CTDSPL2: variants seen among roughly 807,000 people sequenced by gnomAD.
The protein encoded by CTDSPL2 is CTD small phosphatase-like protein 2.
In CTDSPL2, 5 loss-of-function variants were observed where a neutral mutation model predicts 60.0. That is an observed-to-expected ratio of 0.08 (90% confidence interval 0.04 to 0.18). CTDSPL2 has a LOEUF of 0.18. Among genes scored for constraint, CTDSPL2 ranks in the 10% least tolerant of loss-of-function variants. The probability of loss-of-function intolerance (pLI) is 1.00; values close to 1 mark genes in which losing one functional copy is unlikely to be tolerated. For missense variants in CTDSPL2, 370 were observed against 548.8 expected (o/e 0.67, Z 3.26); for synonymous variants, 186 against 189.3 (o/e 0.98, Z 0.14).
chr15:44,470,363 T>G (rs149423742), intron 2 of CTDSPL2: 1 of 152,174 alleles, frequency 6.6e-6, no homozygotes, highest in Non-Finnish European at 1.5e-5. Flanking sequence ...AATATTGATA[T>G]AGCCATACAG....
At chr15:44,474,173 TTCA>T (rs1217586724) in intron 2 of CTDSPL2, among the ~76,000 whole-genome samples, 1 of 152,186 alleles carries the variant, frequency 6.6e-6, no homozygotes, top group Non-Finnish European at 1.5e-5. Context: ...GTTTTACAGC[TTCA>T]TCAAGAACTT....
chr15:44,430,115 A>G (rs1182648634), intron 1 of CTDSPL2, among the ~76,000 whole-genome samples: 1 of 152,038 alleles, frequency 6.6e-6, no homozygotes, highest in Non-Finnish European at 1.5e-5. Flanking sequence ...CAAGTTTGTG[A>G]TTTCTGCTTA....
At chr15:44,521,676 C>T (rs545116824) in intron 12 of CTDSPL2, among the ~76,000 whole-genome samples, 1 of 152,094 alleles carries the variant, frequency 6.6e-6, no homozygotes, top group South Asian at 2.1e-4. Context: ...CGGTGGCTCA[C>T]GCCTGTAATC....
intron 7 of CTDSPL2, 24 bp downstream of exon 7, chr15:44,497,162 A>G: frequency 7.5e-7 from 1 of 1,332,598 alleles, no homozygotes; most frequent in Non-Finnish European, 1.1e-6. Context: ...CTGTAGAGGT[A>G]GAGAGAATAA....
chr15:44,444,972 C>G (rs1415406730), intron 1 of CTDSPL2, among the ~76,000 whole-genome samples: 9 of 149,786 alleles, frequency 6.0e-5, no homozygotes, highest in Admixed American at 5.4e-4. Flanking sequence ...CTCAGCCTCC[C>G]GAGTAGCTGG....
intron 1 of CTDSPL2, among the ~76,000 whole-genome samples, chr15:44,436,539 A>G (rs1414495466): frequency 6.6e-6 from 1 of 152,168 alleles, no homozygotes; most frequent in East Asian, 1.9e-4. Flanking sequence ...TTTGCTGTTG[A>G]GGAAACAAAG....
At chr15:44,435,131 G>A (rs1263807469) in intron 1 of CTDSPL2, among the ~76,000 whole-genome samples, 1 of 151,824 alleles carries the variant, frequency 6.6e-6, no homozygotes, top group African/African-American at 2.4e-5. Context: ...GCGGTGGTGT[G>A]CACCTGTAAT....
chr15:44,446,754 C>CTT (rs71111859), intron 1 of CTDSPL2, among the ~76,000 whole-genome samples: 14 of 73,592 alleles, frequency 1.9e-4, no homozygotes, highest in African/African-American at 5.7e-4. Flanking sequence ...TCTTGGGGAA[C>CTT]TTTTTTTTTT....
intron 8 of CTDSPL2, chr15:44,502,043 T>G: frequency 2.2e-6 from 1 of 447,120 alleles, no homozygotes; most frequent in South Asian, 1.6e-5. Flanking sequence ...GAAACCACAT[T>G]ATTAGGTAAG....
intron 2 of CTDSPL2, among the ~76,000 whole-genome samples, chr15:44,466,889 A>T (rs1273533623): frequency 6.6e-6 from 1 of 152,154 alleles, no homozygotes; most frequent in African/African-American, 2.4e-5. Context: ...CAGTGAGCTG[A>T]GATTGCACCA....
chr15:44,460,755 G>A (rs1176199503), intron 2 of CTDSPL2, among the ~76,000 whole-genome samples: 1 of 152,004 alleles, frequency 6.6e-6, no homozygotes, highest in African/African-American at 2.4e-5. Context: ...TTAATTTTCA[G>A]TAATTAGAAA....
Position 44,525,549 on chromosome 15 carries a change from A to G in CTDSPL2, c.*1375A>G, listed in dbSNP as rs778559842. 7.5e-6 allele frequency: 3 copies of G among 398,604 alleles called. No homozygotes were observed. Among genetic ancestry groups the G allele is most frequent in the Non-Finnish European group, 1.3e-5 (3 of 225,836 alleles). 24.7% of individuals were successfully genotyped at this position (398,604 alleles called of 1,614,324 possible). On this transcript the variant is annotated 3_prime_UTR_variant, in exon 13 of 13. Coordinates refer to ENST00000260327, the MANE Select transcript of CTDSPL2 (RefSeq NM_016396.3). ...GATGTCAAAGAACGGCACTTTTTCT[A>G]AAGAGAAGTTTGATATTTTGTATGC... is the stretch of plus-strand genomic sequence containing the variant.
Position 44,459,207 on chromosome 15 carries a change from A to T in CTDSPL2, c.186+7A>T, listed in dbSNP as rs1488148494. 6.3e-7 allele frequency: 1 copy of T among 1,586,604 alleles called. No homozygotes were observed. Among genetic ancestry groups the T allele is most frequent in the Non-Finnish European group, 8.6e-7 (1 of 1,165,258 alleles). ...TAAAGGAAGCACACCTAAGGTAATGATTTTACCATATACTTTCATATCATT... is the reference window on the plus strand; with the variant it reads ...TAAAGGAAGCACACCTAAGGTAATGTTTTTACCATATACTTTCATATCATT... On this transcript the variant is annotated splice_region_variant and intron_variant, in intron 2 of 12. Coordinates refer to ENST00000260327, the MANE Select transcript of CTDSPL2 (RefSeq NM_016396.3).
chr15:44,435,853 C>T (rs987419485), intron 1 of CTDSPL2, among the ~76,000 whole-genome samples: 7 of 151,992 alleles, frequency 4.6e-5, no homozygotes, highest in Admixed American at 3.3e-4. Flanking sequence ...GTGGTCCACC[C>T]GCCTCGGCCT....
chr15:44,433,861 G>T (rs1469996333), intron 1 of CTDSPL2, among the ~76,000 whole-genome samples: 1 of 150,662 alleles, frequency 6.6e-6, no homozygotes. Flanking sequence ...GCTAAGGCAG[G>T]AGAATCGCTT....
At chr15:44,461,573 CTTTTTTTTTTTTTT>C (rs35540014) in intron 2 of CTDSPL2, among the ~76,000 whole-genome samples, 1 of 125,656 alleles carries the variant, frequency 8.0e-6, no homozygotes, top group Non-Finnish European at 1.7e-5. Flanking sequence ...GTTTCTCTCC[CTTTTTTTTTTTTTT>C]TTTTTTTTTT....
chr15:44,457,617 G>A (rs1158077259), intron 1 of CTDSPL2, among the ~76,000 whole-genome samples: 7 of 151,424 alleles, frequency 4.6e-5, no homozygotes. Flanking sequence ...GTGGTGCGGG[G>A]TGGGAGAGGG....
In CTDSPL2 at chr15:44,428,422, A is replaced by T. The variant is rs996299003; in HGVS notation, c.-25+650A>T. Among the ~76,000 whole-genome samples, 7 of 152,190 alleles carry T rather than the reference A, an allele frequency of 4.6e-5. No individual in the cohort carries two copies. The South Asian group carries it at 1.4e-3, about 31-fold the overall frequency. On this transcript the variant is annotated intron_variant, in intron 1 of 12. Coordinates refer to ENST00000260327, the MANE Select transcript of CTDSPL2 (RefSeq NM_016396.3). ...ATTCTCTGCTTTCTTTGGATTTTAA[A>T]TGTCTGTATGGGTGTTTACTTTTGC... is the stretch of plus-strand genomic sequence containing the variant.
intron 10 of CTDSPL2, among the ~76,000 whole-genome samples, chr15:44,516,252 G>A (rs547736327): frequency 5.9e-5 from 9 of 152,176 alleles, no homozygotes; most frequent in African/African-American, 2.2e-4. Flanking sequence ...ACAGGCGTGA[G>A]CCACTGCACC....
Sources: allele counts gnomAD v4.1 joint callset (sites outside exome capture counted in the v4.1 genomes callset), GRCh38; gene constraint gnomAD v4.1.1; transcripts MANE v1.5; gene names NCBI Gene and HGNC (gene_info 2026-07-23, HGNC 2026-07-21).